The following SLC22A23 variants were observed in gnomAD, a reference collection of about 807,000 sequenced individuals.
The protein encoded by SLC22A23 is solute carrier family 22 member 23, also known as ion transporter protein.
Under a neutral mutation model 61.0 loss-of-function variants are expected in SLC22A23, and 26 were observed. The observed-to-expected ratio is 0.43, with a 90% CI of 0.31 to 0.59. SLC22A23 has a LOEUF of 0.59. Ranked by LOEUF, SLC22A23 falls within the 20% of genes least tolerant of loss-of-function variation. The pLI is 0.11. For synonymous variants in SLC22A23, 430 were observed against 413.9 expected (o/e 1.04, Z -0.47); for missense variants, 796 against 934.7 (o/e 0.85, Z 1.94).
chr6:3,340,991 C>G (rs1477866684), intron 3 of SLC22A23, among the ~76,000 whole-genome samples: 1 of 152,262 alleles, frequency 6.6e-6, no homozygotes, highest in Non-Finnish European at 1.5e-5. Context: ...CCAATGCCTG[C>G]TATGGCACCT....
chr6:3,284,652 C>A (rs1410230845), intron 8 of SLC22A23, among the ~76,000 whole-genome samples: 1 of 152,214 alleles, frequency 6.6e-6, no homozygotes, highest in African/African-American at 2.4e-5. Flanking sequence ...ACTGTGCTGT[C>A]CCCATGGGCT....
rs768240485 is a variant in SLC22A23 at position 3,273,059 on chromosome 6, A to G, written c.2057T>C (p.Met686Thr). The change falls in exon 10 of 10, where the codon ATG becomes ACG. Residue 686 changes from methionine to threonine, a missense_variant. By Grantham distance (81) the Met-to-Thr change is moderately conservative. Coordinates refer to ENST00000406686, the MANE Select transcript of SLC22A23 (RefSeq NM_015482.2). ...CCCCGGGTTCCGCAGGCCGGGCTAC[A>G]TGGCCTTCATGCCGTTGGCCGTGGC... ...EGATANGMKAM is the reference protein window; with the variant it reads ...EGATANGMKAT 2.6e-6 allele frequency: 4 copies of G among 1,556,186 alleles called. No homozygotes were observed. The highest frequency in any genetic ancestry group is 1.7e-4 in the Middle Eastern group (1 of 5,826).
chr6:3,383,299 T>C (rs965165230), intron 3 of SLC22A23, among the ~76,000 whole-genome samples: 1 of 144,632 alleles, frequency 6.9e-6, no homozygotes, highest in Non-Finnish European at 1.5e-5. Flanking sequence ...GGTAAAATAA[T>C]AAAGAAAAGG....
chr6:3,391,957 AGTG>A (rs531555019), intron 3 of SLC22A23, among the ~76,000 whole-genome samples: 5 of 152,164 alleles, frequency 3.3e-5, no homozygotes, highest in African/African-American at 7.2e-5. Flanking sequence ...GGCTGGACAC[AGTG>A]CAAGATCAAA....
At chr6:3,348,429 T>C (rs140695338) in intron 3 of SLC22A23, among the ~76,000 whole-genome samples, 1 of 152,316 alleles carries the variant, frequency 6.6e-6, no homozygotes, top group Non-Finnish European at 1.5e-5. Flanking sequence ...AGAGTGACAA[T>C]AGCAGTCTGC....
chr6:3,436,889 T>C (rs1771248895), intron 1 of SLC22A23, among the ~76,000 whole-genome samples: 1 of 152,220 alleles, frequency 6.6e-6, no homozygotes, highest in Admixed American at 6.5e-5. Flanking sequence ...TTCAAACAGA[T>C]CGCAAAAGAA....
At chr6:3,399,797 A>T (rs1768256398) in intron 3 of SLC22A23, among the ~76,000 whole-genome samples, 1 of 152,174 alleles carries the variant, frequency 6.6e-6, no homozygotes, top group Non-Finnish European at 1.5e-5. Context: ...CCTAGGAATG[A>T]TCTGTCCAGG....
Position 3,298,237 on chromosome 6 carries a change from G to T in SLC22A23, c.1083-19C>A. 6.3e-7 allele frequency: 1 copy of T among 1,585,774 alleles called. No homozygotes were observed. The highest frequency in any genetic ancestry group is 1.2e-5 in the South Asian group (1 of 85,742). On this transcript the variant is annotated intron_variant, in intron 4 of 9. Coordinates refer to ENST00000406686, the MANE Select transcript of SLC22A23 (RefSeq NM_015482.2). ...GAATATCCTTTAAAGACACAAAGGG[G>T]ATCAGTGAATGTCTTCCGATTCTGC...
At chr6:3,374,702 C>T (rs151140102) in intron 3 of SLC22A23, among the ~76,000 whole-genome samples, 2,503 of 152,242 alleles carry the variant, frequency 0.016, 49 homozygotes, top group Non-Finnish European at 0.02. Flanking sequence ...TTAGCTGGGC[C>T]GAAGCCCTGA....
rs1758575537 is a variant in SLC22A23 at position 3,273,053 on chromosome 6, G to A, written c.*2C>T. 8.4e-6 allele frequency: 13 copies of A among 1,546,058 alleles called. No individual in the cohort carries two copies. Among genetic ancestry groups the A allele is most frequent in the Admixed American group, 1.8e-5 (1 of 54,158 alleles). ...CTGGAGCCCCGGGTTCCGCAGGCCG[G>A]GCTACATGGCCTTCATGCCGTTGGC... On this transcript the variant is annotated 3_prime_UTR_variant, in exon 10 of 10. Transcript: ENST00000406686.
intron 3 of SLC22A23, among the ~76,000 whole-genome samples, chr6:3,375,673 T>C (rs1400894178): frequency 6.6e-6 from 1 of 152,214 alleles, no homozygotes; most frequent in Non-Finnish European, 1.5e-5. Flanking sequence ...GTGTTGAATA[T>C]ATAAGGTGGG....
chr6:3,277,577 C>T (rs904111704), intron 9 of SLC22A23, among the ~76,000 whole-genome samples: 1 of 152,236 alleles, frequency 6.6e-6, no homozygotes, highest in African/African-American at 2.4e-5. Flanking sequence ...CCTCAGGACA[C>T]TTGTGTAGCC....
intron 3 of SLC22A23, among the ~76,000 whole-genome samples, chr6:3,331,653 A>G (rs1763587995): frequency 6.6e-6 from 1 of 152,340 alleles, no homozygotes; most frequent in African/African-American, 2.4e-5. Flanking sequence ...CATTATAATG[A>G]CTCAAATGAG....
At chr6:3,323,782 A>G in intron 4 of SLC22A23, 52 bp downstream of exon 4, 1 of 1,560,352 alleles carries the variant, frequency 6.4e-7, no homozygotes, top group South Asian at 1.2e-5. Context: ...CCGGGCCTTC[A>G]GGAAGCATGT....
At chr6:3,384,600 CTTG>C (rs1166387302) in intron 3 of SLC22A23, among the ~76,000 whole-genome samples, 1 of 152,154 alleles carries the variant, frequency 6.6e-6, no homozygotes, top group Admixed American at 6.5e-5. Context: ...ATTCTTTTTG[CTTG>C]TTATTTCTAT....
intron 1 of SLC22A23, among the ~76,000 whole-genome samples, chr6:3,435,082 C>T (rs1771119465): frequency 6.6e-6 from 1 of 152,124 alleles, no homozygotes; most frequent in South Asian, 2.1e-4. Flanking sequence ...GTGAAGGACC[C>T]ATGCTGGAAG....
Position 3,410,134 on chromosome 6 carries a change from C to A in SLC22A23, c.913+54G>T, listed in dbSNP as rs373803759. 1.5e-5 allele frequency: 24 copies of A among 1,557,176 alleles called. No individual in the cohort carries two copies. The East Asian group carries it at 1.8e-4, about 12-fold the overall frequency. On this transcript the variant is annotated intron_variant, in intron 3 of 9. Transcript: ENST00000406686. The surrounding 1 kb of genome is among the most constrained non-coding windows in gnomAD (Gnocchi z 5.0). ...AGTATCTTTCCCAGAACCTCCCAGG[C>A]AACAATACTTTTGCTAAATTCTTTC...
Position 3,270,697 on chromosome 6 carries a change from T to C in SLC22A23, c.*2358A>G, listed in dbSNP as rs894361736. 6.6e-6 allele frequency: 1 copy of C among 152,448 alleles called. No homozygotes were observed. The highest frequency in any genetic ancestry group is 2.4e-5 in the African/African-American group (1 of 41,478). 9.4% of individuals were successfully genotyped at this position (152,448 alleles called of 1,614,324 possible). Reference sequence around the variant, plus strand: ...GGATTAGTCCTGATGGCTGAAGTGCTGAGCAGTGTCTTCGTTGGACCAGTT... The same window carrying C: ...GGATTAGTCCTGATGGCTGAAGTGCCGAGCAGTGTCTTCGTTGGACCAGTT... On this transcript the variant is annotated 3_prime_UTR_variant, in exon 10 of 10. Coordinates refer to ENST00000406686, the MANE Select transcript of SLC22A23 (RefSeq NM_015482.2).
intron 3 of SLC22A23, among the ~76,000 whole-genome samples, chr6:3,398,905 T>C (rs1235138021): frequency 6.6e-6 from 1 of 152,122 alleles, no homozygotes; most frequent in African/African-American, 2.4e-5. Flanking sequence ...GGTGCATGCC[T>C]GTGGTCTCTG....
Sources: gnomAD v4.1 joint callset for allele counts (sites outside exome capture counted in the v4.1 genomes callset) on GRCh38, gnomAD v4.1.1 for gene constraint, Gnocchi (gnomAD v3.1) non-coding constraint, MANE v1.5 for transcripts, NCBI Gene and HGNC (gene_info 2026-07-23, HGNC 2026-07-21) for gene names.